Variants in JADE3 observed in about 807,000 individuals in gnomAD.
JADE3 encodes jade family PHD finger 3, also known as protein Jade-3.
JADE3 carries 2 observed loss-of-function variants against 50.1 expected under a neutral mutation model. The observed-to-expected ratio is 0.04, with a 90% CI of 0.02 to 0.13. The LOEUF (loss-of-function observed/expected upper bound fraction) is 0.13. JADE3 is among the 10% of genes least tolerant of loss of function. The pLI is 1.00. For missense variants in JADE3, 475 were observed against 634.4 expected (o/e 0.75, Z 2.70); for synonymous variants, 218 against 232.9 (o/e 0.94, Z 0.58).
chrX:46,980,834 G>A (rs1927732696), intron 1 of JADE3, among the ~76,000 whole-genome samples: 1 of 111,661 alleles, frequency 9.0e-6, no homozygotes, highest in Admixed American at 9.6e-5. Flanking sequence ...CTATGAATAT[G>A]TTAAGATTGC....
At chrX:47,058,064 T>A in intron 10 of JADE3, 103 bp from the exon 11 acceptor site, 2 of 667,195 alleles carry the variant, frequency 3.0e-6, no homozygotes, top group Non-Finnish European at 4.6e-6. Context: ...GCCAGGTGCT[T>A]GTTAAACATT....
intron 3 of JADE3, among the ~76,000 whole-genome samples, chrX:46,997,900 G>A (rs1928168585): frequency 1.8e-5 from 2 of 111,920 alleles, no homozygotes; most frequent in South Asian, 3.8e-4. Context: ...AATAATTCAG[G>A]AAGGACTGCA....
chrX:46,996,839 A>G (rs1928139905), intron 3 of JADE3, among the ~76,000 whole-genome samples: 1 of 112,340 alleles, frequency 8.9e-6, no homozygotes, highest in Admixed American at 9.5e-5. Context: ...GGTAATATCC[A>G]TAGTTTCTGG....
At chrX:46,956,095 C>T (rs782003906) in intron 1 of JADE3, among the ~76,000 whole-genome samples, 7 of 111,411 alleles carry the variant, frequency 6.3e-5, no homozygotes, top group Admixed American at 9.5e-5. Context: ...GACAGAGTCT[C>T]GCTCTGTTGC....
At chrX:47,044,750 T>C (rs971865942) in intron 8 of JADE3, among the ~76,000 whole-genome samples, 2 of 112,096 alleles carry the variant, frequency 1.8e-5, no homozygotes, top group Non-Finnish European at 3.8e-5. Context: ...TATAATAAGA[T>C]GTAAGTAGAA....
chrX:46,985,865 A>G, intron 3 of JADE3, 73 bp downstream of exon 3: 1 of 700,002 alleles, frequency 1.4e-6, no homozygotes, highest in Non-Finnish European at 2.3e-6. Context: ...TCATGTTGAA[A>G]TTATATCCCA....
intron 4 of JADE3, among the ~76,000 whole-genome samples, chrX:47,006,697 T>C (rs1556360423): frequency 9.1e-6 from 1 of 110,340 alleles, no homozygotes; most frequent in Non-Finnish European, 1.9e-5. Context: ...TCGTTTCTAG[T>C]GTTGAGAACT....
chrX:46,983,732 C>T (rs143496706), intron 1 of JADE3, among the ~76,000 whole-genome samples: 2,125 of 111,371 alleles, frequency 0.019, 51 homozygotes, highest in African/African-American at 0.066. Flanking sequence ...TAGATTTTCT[C>T]GAATAAGTAC....
chrX:47,038,673 G>GAAGA (rs1232519992), intron 7 of JADE3, among the ~76,000 whole-genome samples: 2 of 83,688 alleles, frequency 2.4e-5, no homozygotes, highest in Non-Finnish European at 4.8e-5. Context: ...AAAAAAAAAA[G>GAAGA]AAGAAAGAAA....
At chrX:46,914,518 C>T (rs1206950760) in intron 1 of JADE3, among the ~76,000 whole-genome samples, 1 of 111,490 alleles carries the variant, frequency 9.0e-6, no homozygotes, top group Non-Finnish European at 1.9e-5. Flanking sequence ...AGGATAATAC[C>T]CTCTCTTCAA....
chrX:47,006,328 C>T (rs1212113520), intron 4 of JADE3, among the ~76,000 whole-genome samples: 2 of 110,493 alleles, frequency 1.8e-5, no homozygotes, highest in African/African-American at 3.3e-5. Context: ...CTGTCACTCA[C>T]GCTGGAGTAC....
chrX:46,945,354 A>G lies in JADE3; in HGVS notation c.-12+32635A>G, dbSNP rs1926864945. On this transcript the variant is annotated intron_variant, in intron 1 of 10. Transcript: ENST00000614628. ...AGGTATCTGCTATGTTTTCCTGACT[A>G]GGTACTTTATAGCACCTAATGTCCC... Among the ~76,000 whole-genome samples the G allele has an allele frequency of 3.6e-5, 4 of 111,118 alleles. No homozygotes were observed. In the Admixed American group the frequency reaches 3.8e-4, roughly 11 times the overall value.
intron 1 of JADE3, among the ~76,000 whole-genome samples, chrX:46,936,017 AT>A (rs145853620): frequency 0.021 from 1,626 of 76,499 alleles, 15 homozygotes; most frequent in African/African-American, 0.035. Context: ...GAATACATTG[AT>A]TTTTTTTTTT....
chrX:46,919,293 GTA>G (rs1353547878), intron 1 of JADE3, among the ~76,000 whole-genome samples: 1 of 111,719 alleles, frequency 9.0e-6, no homozygotes, highest in African/African-American at 3.3e-5. Context: ...AAACCCTAGT[GTA>G]TTAGACTCTA....
chrX:46,916,878 C>A (rs1926097594), intron 1 of JADE3, among the ~76,000 whole-genome samples: 1 of 111,412 alleles, frequency 9.0e-6, no homozygotes, highest in South Asian at 3.8e-4. Flanking sequence ...GGTTAAGGAT[C>A]TGAGAAGTAG....
chrX:46,997,274 G>A (rs1556357619), intron 3 of JADE3, among the ~76,000 whole-genome samples: 2 of 110,959 alleles, frequency 1.8e-5, no homozygotes, highest in East Asian at 2.8e-4. Flanking sequence ...AGGCCAAGGC[G>A]GGCAGATCAC....
chrX:47,058,903 C>T lies in JADE3; in HGVS notation c.2298C>T (p.Gly766=). The T allele has an allele frequency of 3.3e-6, 4 of 1,211,138 alleles. No homozygotes were observed. Among genetic ancestry groups the T allele is most frequent in the Non-Finnish European group, 4.5e-6 (4 of 895,249 alleles). The change falls in exon 11 of 11, where the codon GGC becomes GGT. Residue 766 remains glycine, a synonymous_variant. Transcript: ENST00000614628. ...GAGCTCCATATCAGGAAAATGATGG[C>T]TATTGCCCAGATTTGGAGCTGAGTG... ...AGRAPYQEND[G]YCPDLELSDS...
intron 1 of JADE3, among the ~76,000 whole-genome samples, chrX:46,918,918 T>C (rs782682499): frequency 8.9e-6 from 1 of 112,567 alleles, no homozygotes; most frequent in Admixed American, 9.4e-5. Context: ...CCAGAGTCAT[T>C]GTGGGTGGTG....
chrX:46,919,263 C>T (rs972538469), intron 1 of JADE3, among the ~76,000 whole-genome samples: 3 of 111,698 alleles, frequency 2.7e-5, no homozygotes, highest in Non-Finnish European at 5.6e-5. Flanking sequence ...CCTCAACCTT[C>T]CATTCAAGCA....
Sources: gnomAD v4.1 joint callset for allele counts (sites outside exome capture counted in the v4.1 genomes callset) on GRCh38, gnomAD v4.1.1 for gene constraint, MANE v1.5 for transcripts, NCBI Gene and HGNC (gene_info 2026-07-23, HGNC 2026-07-21) for gene names.